LRBA: variants seen among roughly 807,000 people sequenced by gnomAD.
The protein encoded by LRBA is lipopolysaccharide-responsive and beige-like anchor protein.
LRBA carries 176 observed loss-of-function variants against 330.0 expected under a neutral mutation model. That is an observed-to-expected ratio of 0.53 (90% CI 0.47 to 0.60). The LOEUF is 0.60. Among genes scored for constraint, LRBA ranks in the 20% least tolerant of loss-of-function variants. The probability of loss-of-function intolerance (pLI) is 0.00; values close to 1 mark genes in which losing one functional copy is unlikely to be tolerated. For synonymous variants in LRBA, 1,230 were observed against 1,193.0 expected (o/e 1.03, Z -0.64); for missense variants, 3,259 against 3,444.8 (o/e 0.95, Z 1.35).
intron 36 of LRBA, among the ~76,000 whole-genome samples, chr4:150,732,251 T>C (rs1730548984): frequency 1.3e-5 from 2 of 152,124 alleles, no homozygotes; most frequent in Non-Finnish European, 2.9e-5. Context: ...CATGTATACC[T>C]ATCTTTAAAT....
chr4:150,273,324 A>G (rs1003637241), intron 56 of LRBA, among the ~76,000 whole-genome samples: 4 of 152,236 alleles, frequency 2.6e-5, no homozygotes, highest in Non-Finnish European at 4.4e-5. Context: ...CTAGACATGG[A>G]AAGGAACAAC....
At chr4:150,532,943 C>A (rs1005262041) in intron 40 of LRBA, among the ~76,000 whole-genome samples, 1 of 152,068 alleles carries the variant, frequency 6.6e-6, no homozygotes, top group East Asian at 1.9e-4. Context: ...GAATTTTCTA[C>A]TAATGTGGGT....
intron 44 of LRBA, among the ~76,000 whole-genome samples, chr4:150,444,112 T>C (rs1484218114): frequency 6.6e-6 from 1 of 151,974 alleles, no homozygotes; most frequent in Non-Finnish European, 1.5e-5. Flanking sequence ...TTAAAAAGCG[T>C]ATTTTATCTT....
chr4:150,356,595 T>C (rs1004179384), intron 47 of LRBA, among the ~76,000 whole-genome samples: 3 of 152,032 alleles, frequency 2.0e-5, no homozygotes, highest in Non-Finnish European at 4.4e-5. Context: ...TTTTTTCATA[T>C]TGGTTGGATA....
chr4:150,357,774 C>A (rs1032547676), intron 47 of LRBA, among the ~76,000 whole-genome samples: 2 of 151,342 alleles, frequency 1.3e-5, no homozygotes, highest in Non-Finnish European at 2.9e-5. Flanking sequence ...ATAGAGCTTA[C>A]AGTGATATAT....
chr4:150,728,475 T>C (rs1053665925), intron 36 of LRBA, among the ~76,000 whole-genome samples: 3 of 152,076 alleles, frequency 2.0e-5, no homozygotes, highest in African/African-American at 7.2e-5. Context: ...AATTTAAAAA[T>C]ACATTAAAAA....
At chr4:150,772,587 T>A (rs943025415) in intron 34 of LRBA, among the ~76,000 whole-genome samples, 1 of 152,208 alleles carries the variant, frequency 6.6e-6, no homozygotes, top group African/African-American at 2.4e-5. Context: ...GTTCAGTCTC[T>A]ACTTAAACCT....
chr4:150,579,300 G>A lies in LRBA; in HGVS notation c.6330+8748C>T, dbSNP rs182820827. 73 of 455,974 alleles carry A rather than the reference G, an allele frequency of 1.6e-4. No homozygotes were observed. In the Middle Eastern group the frequency reaches 2.3e-3, roughly 14 times the overall value. 28.2% of individuals were successfully genotyped at this position (455,974 alleles called of 1,614,324 possible). On this transcript the variant is annotated intron_variant, in intron 40 of 56. Transcript: ENST00000651943. ...TCCCCCTTCAATTATTCAACCAGAGGAAGAGAGGACCGCAAAGGCGCAGCT... is the reference window on the plus strand; with the variant it reads ...TCCCCCTTCAATTATTCAACCAGAGAAAGAGAGGACCGCAAAGGCGCAGCT...
chr4:150,714,058 T>C (rs779370016), intron 36 of LRBA, among the ~76,000 whole-genome samples: 9 of 152,176 alleles, frequency 5.9e-5, no homozygotes, highest in Non-Finnish European at 8.8e-5. Flanking sequence ...GTACCACTTC[T>C]TTACACTCCA....
intron 47 of LRBA, among the ~76,000 whole-genome samples, chr4:150,371,254 G>A (rs1480966799): frequency 1.5e-5 from 2 of 136,464 alleles, no homozygotes; most frequent in East Asian, 2.1e-4. Flanking sequence ...GTGCAGTGGC[G>A]TGATCCCGGC....
chr4:150,682,053 A>G (rs964296777), intron 37 of LRBA, among the ~76,000 whole-genome samples: 2 of 152,180 alleles, frequency 1.3e-5, no homozygotes, highest in South Asian at 2.1e-4. Flanking sequence ...AACGCTTGAC[A>G]TAAGTTATCT....
chr4:150,336,139 T>C (rs565828983), intron 48 of LRBA, among the ~76,000 whole-genome samples: 165 of 152,304 alleles, frequency 1.1e-3, no homozygotes, highest in African/African-American at 3.8e-3. Flanking sequence ...TGGGGGTTTG[T>C]GGTATAGATT....
At chr4:150,927,894 T>C (rs1734056262) in intron 4 of LRBA, among the ~76,000 whole-genome samples, 1 of 152,166 alleles carries the variant, frequency 6.6e-6, no homozygotes, top group South Asian at 2.1e-4. Context: ...AGATTAAGGA[T>C]CAGCTGGCTG....
At chr4:150,836,850 T>C (rs1748174928) in intron 28 of LRBA, among the ~76,000 whole-genome samples, 1 of 152,228 alleles carries the variant, frequency 6.6e-6, no homozygotes, top group South Asian at 2.1e-4. Context: ...TTGAATCTGT[T>C]TGCTCTTGCT....
At chr4:150,755,864 C>T (rs1734217359) in intron 35 of LRBA, among the ~76,000 whole-genome samples, 1 of 151,256 alleles carries the variant, frequency 6.6e-6, no homozygotes, top group African/African-American at 2.4e-5. Context: ...ATGGCAAAAC[C>T]CCATCTCTAC....
intron 40 of LRBA, among the ~76,000 whole-genome samples, chr4:150,554,647 C>T (rs1767058267): frequency 6.6e-6 from 1 of 152,040 alleles, no homozygotes; most frequent in Non-Finnish European, 1.5e-5. Context: ...TTACAAGCTT[C>T]ATCAATATAT....
chr4:150,490,273 C>A (rs892474545), intron 41 of LRBA, among the ~76,000 whole-genome samples: 1 of 151,708 alleles, frequency 6.6e-6, no homozygotes, highest in African/African-American at 2.4e-5. Flanking sequence ...ATATATAATA[C>A]AAGGAATATG....
intron 37 of LRBA, among the ~76,000 whole-genome samples, chr4:150,661,999 A>C (rs1014103563): frequency 6.6e-6 from 1 of 152,146 alleles, no homozygotes; most frequent in South Asian, 2.1e-4. Flanking sequence ...TCATTAAGCT[A>C]TATCAAAAAT....
At chr4:150,438,855 AT>A (rs1398105789) in intron 44 of LRBA, among the ~76,000 whole-genome samples, 2 of 152,148 alleles carry the variant, frequency 1.3e-5, no homozygotes, top group Non-Finnish European at 2.9e-5. Flanking sequence ...AATGAATATT[AT>A]TGTATGTTAA....
Sources: allele counts gnomAD v4.1 joint callset (sites outside exome capture counted in the v4.1 genomes callset), GRCh38; gene constraint gnomAD v4.1.1; transcripts MANE v1.5; gene names NCBI Gene and HGNC (gene_info 2026-07-23, HGNC 2026-07-21).